Variants in GSN observed in about 807,000 individuals in gnomAD.
GSN encodes gelsolin.
In GSN, 56 loss-of-function variants were observed where a neutral mutation model predicts 85.7. That is an observed-to-expected ratio of 0.65 (90% CI 0.53 to 0.82). GSN has a LOEUF of 0.82. Among genes scored for constraint, GSN ranks in the 40% least tolerant of loss-of-function variants. The pLI is 0.00. For synonymous variants in GSN, 373 were observed against 399.1 expected (o/e 0.93, Z 0.78); for missense variants, 857 against 979.8 (o/e 0.87, Z 1.67).
chr9:121,214,815 A>G (rs1472932202), intron 4 of GSN, among the ~76,000 whole-genome samples: 1 of 152,166 alleles, frequency 6.6e-6, no homozygotes, highest in Non-Finnish European at 1.5e-5. Flanking sequence ...TGGATGAGCG[A>G]TGCCATCTGG....
At chr9:121,322,705 G>C (rs1387431098) in intron 11 of GSN, among the ~76,000 whole-genome samples, 2 of 152,142 alleles carry the variant, frequency 1.3e-5, no homozygotes, top group African/African-American at 4.8e-5. Context: ...CACACTCGTG[G>C]ATTGTGTGGT....
At chr9:121,275,618 C>T (rs1414944449) in intron 1 of GSN, among the ~76,000 whole-genome samples, 1 of 152,132 alleles carries the variant, frequency 6.6e-6, no homozygotes, top group African/African-American at 2.4e-5. Context: ...TCCCACCTCC[C>T]CTCCCACCAC....
intron 5 of GSN, among the ~76,000 whole-genome samples, chr9:121,245,254 T>C (rs2054677026): frequency 6.6e-6 from 1 of 152,238 alleles, no homozygotes; most frequent in Non-Finnish European, 1.5e-5. Context: ...TTTGGCATAG[T>C]TGATAGGAGA....
At chr9:121,234,410 G>A (rs115725393) in intron 5 of GSN, among the ~76,000 whole-genome samples, 1,964 of 152,312 alleles carry the variant, frequency 0.013, 36 homozygotes, top group African/African-American at 0.045. Flanking sequence ...GATCCCTTCC[G>A]GAGGGGAGCA....
intron 1 of GSN, among the ~76,000 whole-genome samples, chr9:121,272,756 G>A (rs914889543): frequency 2.0e-5 from 3 of 152,126 alleles, no homozygotes; most frequent in Non-Finnish European, 4.4e-5. Flanking sequence ...ACAGATCTAC[G>A]AGGGGAGAGA....
At position 121,310,679 on chromosome 9, in the gene GSN, C is replaced by A; in HGVS notation, c.352-5C>A. 6.2e-7 allele frequency: 1 copy of A among 1,614,054 alleles called. No homozygotes were observed. On this transcript the variant is annotated splice_polypyrimidine_tract_variant and splice_region_variant and intron_variant, in intron 4 of 17. Transcript: ENST00000432226. ...TGGGCTAATGCTGTCTCTTTGGCCC[C>A]ACAGAAAGGAGGTGTGGCATCAGGA...
intron 1 of GSN, among the ~76,000 whole-genome samples, chr9:121,270,834 C>T (rs778455645): frequency 2.6e-5 from 4 of 152,082 alleles, no homozygotes; most frequent in South Asian, 2.1e-4. Context: ...GTCTATGGTA[C>T]GTTGCTGAGA....
chr9:121,322,702 G>T (rs530523190), intron 11 of GSN, among the ~76,000 whole-genome samples: 2 of 152,186 alleles, frequency 1.3e-5, no homozygotes, highest in African/African-American at 2.4e-5. Flanking sequence ...AGTCACACTC[G>T]TGGATTGTGT....
chr9:121,286,209 G>A (rs1156640808), intron 2 of GSN: 17 of 1,463,598 alleles, frequency 1.2e-5, no homozygotes, highest in Non-Finnish European at 1.6e-5. Flanking sequence ...GATCTGGGGT[G>A]GTCCCCGAAG....
chr9:121,302,837 C>T, intron 3 of GSN, 74 bp from the exon 4 acceptor site: 3 of 1,498,912 alleles, frequency 2.0e-6, no homozygotes, highest in Admixed American at 1.7e-5. Context: ...TGGGGTTCCT[C>T]CTCCACCTCC....
chr9:121,294,869 CTAA>C (rs1316820234), intron 2 of GSN, among the ~76,000 whole-genome samples: 1 of 152,198 alleles, frequency 6.6e-6, no homozygotes, highest in African/African-American at 2.4e-5. Flanking sequence ...AACACTGCTG[CTAA>C]TAAGTCCTGC....
chr9:121,320,999 A>C (rs1173433104), intron 10 of GSN, among the ~76,000 whole-genome samples: 1 of 152,030 alleles, frequency 6.6e-6, no homozygotes, highest in Admixed American at 6.6e-5. Flanking sequence ...ATTCCTTTGG[A>C]GCTGCCTTGA....
chr9:121,304,339 C>T (rs1226932942), intron 4 of GSN, among the ~76,000 whole-genome samples: 1 of 152,252 alleles, frequency 6.6e-6, no homozygotes, highest in African/African-American at 2.4e-5. Context: ...CTGAGGTGTC[C>T]AGCTCTGCCT....
rs2063575758 is a variant in GSN at position 121,329,000 on chromosome 9, G to A, written c.1872G>A (p.Lys624=). Residue 624 remains lysine (K), a synonymous_variant, in exon 15 of 18, where the codon AAG becomes AAA. Transcript: ENST00000432226. ...HPPRLFACSN[K]IGRFVIEEVP... is the part of the protein sequence containing the mutation. ...CTCGCCTCTTTGCCTGCTCCAACAA[G>A]ATTGGACGTTTTGTGGTGAGCCCCT... 1 of 1,613,928 alleles carries A rather than the reference G, an allele frequency of 6.2e-7. No individual in the cohort carries two copies.
In GSN at chr9:121,331,460, A is replaced by T; in HGVS notation, c.2026+12A>T. On this transcript the variant is annotated intron_variant, in intron 17 of 17. Transcript: ENST00000432226. ...AGCCTTGACTTCTGGTGAGGACCCG[A>T]GTGCCTGGGGGCGGGGGGAGGGGTC... 1.1e-6 allele frequency: 1 copy of T among 950,872 alleles called. No individual in the cohort carries two copies. The highest frequency in any genetic ancestry group is 1.5e-6 in the Non-Finnish European group (1 of 673,278). 58.9% of individuals were successfully genotyped at this position (950,872 alleles called of 1,614,324 possible). A position where few individuals can be genotyped will look rare whatever the true frequency, so the allele number is the denominator to read the frequency against.
At chr9:121,237,250 G>A (rs1366970176) in intron 5 of GSN, among the ~76,000 whole-genome samples, 2 of 152,172 alleles carry the variant, frequency 1.3e-5, no homozygotes, top group African/African-American at 2.4e-5. Flanking sequence ...GTATAAGAAA[G>A]AGCAAGTAGG....
chr9:121,284,313 G>C (rs540708126), intron 2 of GSN: 1 of 167,188 alleles, frequency 6.0e-6, no homozygotes, highest in South Asian at 2.1e-4. Flanking sequence ...CCTTGGTACG[G>C]GGCTTGTCAT....
chr9:121,273,557 A>T (rs954887582), intron 1 of GSN, among the ~76,000 whole-genome samples: 2 of 152,212 alleles, frequency 1.3e-5, no homozygotes, highest in African/African-American at 2.4e-5. Flanking sequence ...GTTCATAACT[A>T]ACCAGAGAAA....
intron 2 of GSN, chr9:121,297,761 A>T (rs547549828): frequency 6.6e-6 from 1 of 152,312 alleles, no homozygotes; most frequent in South Asian, 2.1e-4. Context: ...CATTTATTTA[A>T]CCAGGACTTT....
Sources: gnomAD v4.1 joint callset for allele counts (sites outside exome capture counted in the v4.1 genomes callset) on GRCh38, gnomAD v4.1.1 for gene constraint, MANE v1.5 for transcripts, NCBI Gene and HGNC (gene_info 2026-07-23, HGNC 2026-07-21) for gene names.